Variants in IMPG1 observed in about 807,000 individuals in gnomAD.
IMPG1 encodes the protein interphotoreceptor matrix proteoglycan of 150 kDa.
IMPG1 carries 85 observed loss-of-function variants against 92.0 expected under a neutral mutation model. The ratio of observed to expected loss-of-function variants is 0.92; its 90% confidence interval spans 0.78 to 1.11. The LOEUF is 1.11. IMPG1 is among the 50% of genes least tolerant of loss of function. IMPG1 has a pLI of 0.00. For synonymous variants in IMPG1, 367 were observed against 334.1 expected, an observed-to-expected ratio of 1.10 and a Z score of -1.08; for missense variants, 1,022 against 956.0, an observed-to-expected ratio of 1.07 and a Z score of -0.91.
rs745936741 is a variant in IMPG1 at position 75,947,518 on chromosome 6, G to A, written c.1840C>T (p.Arg614Ter). The A allele has an allele frequency of 1.2e-5, 19 of 1,612,666 alleles. No individual in the cohort carries two copies. The highest frequency in any genetic ancestry group is 3.3e-5 in the Admixed American group (2 of 59,914). The change falls in exon 14 of 17, where the codon CGA becomes TGA. Residue 614 changes from arginine to a stop codon, truncating the protein, a stop_gained. Transcript: ENST00000369950. LOFTEE classifies it high-confidence loss of function. ...TGCTTAAATCCTGTAAGATTGGATCGTAGATATGGAACCAGCTGCAAAATA... is the reference window on the plus strand; with the variant it reads ...TGCTTAAATCCTGTAAGATTGGATCATAGATATGGAACCAGCTGCAAAATA... ...QFTQLLVPYLRSNLTGFKQLE... is the reference protein window; with the variant it reads ...QFTQLLVPYL
intron 12 of IMPG1, among the ~76,000 whole-genome samples, chr6:75,959,305 C>T (rs1480486883): frequency 6.6e-6 from 1 of 152,138 alleles, no homozygotes; most frequent in Non-Finnish European, 1.5e-5. Flanking sequence ...TGTCTGTCGA[C>T]CCCTGCTGGG....
At chr6:76,035,763 A>G (rs1409115153) in intron 2 of IMPG1, among the ~76,000 whole-genome samples, 2 of 152,234 alleles carry the variant, frequency 1.3e-5, no homozygotes, top group South Asian at 2.1e-4. Flanking sequence ...TCCTTTCCCC[A>G]TTCATCCATC....
chr6:76,061,741 C>A (rs1784210053), intron 1 of IMPG1, among the ~76,000 whole-genome samples: 2 of 152,030 alleles, frequency 1.3e-5, no homozygotes, highest in Non-Finnish European at 2.9e-5. Flanking sequence ...ATGTCACAAG[C>A]AATTAAATGA....
chr6:75,927,894 A>G (rs1461464813), intron 15 of IMPG1, among the ~76,000 whole-genome samples: 3 of 152,086 alleles, frequency 2.0e-5, no homozygotes, highest in Non-Finnish European at 4.4e-5. Context: ...TGCCCCAGAG[A>G]CAGGCACAGG....
intron 6 of IMPG1, among the ~76,000 whole-genome samples, chr6:76,021,462 A>G (rs995473334): frequency 2.0e-5 from 3 of 152,146 alleles, no homozygotes; most frequent in Non-Finnish European, 4.4e-5. Context: ...AATATTTTAC[A>G]GAGTTCGACA....
At chr6:76,064,685 G>A (rs777880632) in intron 1 of IMPG1, among the ~76,000 whole-genome samples, 36 of 152,250 alleles carry the variant, frequency 2.4e-4, no homozygotes, top group Non-Finnish European at 5.9e-5. Context: ...GGGAGCTCAG[G>A]CCACTGTGCA....
intron 12 of IMPG1, among the ~76,000 whole-genome samples, chr6:75,981,623 T>TG (rs1025609695): frequency 2.0e-5 from 3 of 152,224 alleles, no homozygotes; most frequent in African/African-American, 7.2e-5. Flanking sequence ...TTAGTGCTTT[T>TG]GCCAAGTTAC....
intron 12 of IMPG1, among the ~76,000 whole-genome samples, chr6:75,966,347 T>C (rs1782307364): frequency 6.6e-6 from 1 of 152,194 alleles, no homozygotes; most frequent in South Asian, 2.1e-4. Flanking sequence ...ATTTAATTGT[T>C]ATTGTGGCAG....
chr6:76,069,293 CTCT>C (rs917857548), intron 1 of IMPG1, among the ~76,000 whole-genome samples: 19 of 152,176 alleles, frequency 1.2e-4, no homozygotes, highest in Admixed American at 8.5e-4. Context: ...CTAGGAAAAA[CTCT>C]TCTGGACATT....
intron 13 of IMPG1, among the ~76,000 whole-genome samples, chr6:75,947,841 T>A (rs1200714342): frequency 6.9e-6 from 1 of 145,664 alleles, no homozygotes; most frequent in East Asian, 2.0e-4. Context: ...AAAGCAGGAA[T>A]GCCAAGTTCA....
At chr6:75,979,511 C>G (rs2149468981) in intron 12 of IMPG1, among the ~76,000 whole-genome samples, 1 of 152,278 alleles carries the variant, frequency 6.6e-6, no homozygotes, top group Middle Eastern at 3.4e-3. Context: ...CTTCTATTGT[C>G]AATAATGGAT....
At chr6:75,939,332 A>G (rs1020441914) in intron 14 of IMPG1, among the ~76,000 whole-genome samples, 4 of 152,056 alleles carry the variant, frequency 2.6e-5, no homozygotes, top group African/African-American at 4.8e-5. Context: ...TATATCTCCT[A>G]ATGCTATCCC....
intron 12 of IMPG1, among the ~76,000 whole-genome samples, chr6:75,967,121 T>A (rs1782320361): frequency 6.6e-6 from 1 of 152,078 alleles, no homozygotes; most frequent in South Asian, 2.1e-4. Flanking sequence ...GAGGTTGTAG[T>A]GAGCCGAGAT....
chr6:76,014,720 T>C (rs1783252878), intron 7 of IMPG1, among the ~76,000 whole-genome samples: 1 of 152,182 alleles, frequency 6.6e-6, no homozygotes, highest in African/African-American at 2.4e-5. Context: ...CAATCGACCC[T>C]GGGACTGGCA....
At position 75,962,753 on chromosome 6, in the gene IMPG1, T is replaced by A. The variant is rs182663783; in HGVS notation, c.1292-11659A>T. ...AAGAAAACTAAGTGAATAATAATAA[T>A]AAATAAGCCTGATGCAGTGGCTCAT... On this transcript the variant is annotated intron_variant, in intron 12 of 16. Coordinates refer to ENST00000369950, the MANE Select transcript of IMPG1 (RefSeq NM_001563.4). Among the ~76,000 whole-genome samples the A allele has an allele frequency of 2.5e-3, 387 of 152,164 alleles. 1 individual carries two copies. Among genetic ancestry groups the A allele is most frequent in the African/African-American group, 8.9e-3 (370 of 41,514 alleles).
chr6:75,999,483 T>C (rs540696460), intron 12 of IMPG1, among the ~76,000 whole-genome samples: 6 of 152,360 alleles, frequency 3.9e-5, no homozygotes, highest in African/African-American at 1.4e-4. Flanking sequence ...ATTTTCATTT[T>C]ACCTGTACAT....
intron 1 of IMPG1, among the ~76,000 whole-genome samples, chr6:76,057,788 T>G (rs1356994899): frequency 6.6e-6 from 1 of 152,118 alleles, no homozygotes; most frequent in Non-Finnish European, 1.5e-5. Context: ...AGGACATTTA[T>G]GTACCTATAT....
rs1016206997 is a variant in IMPG1, at chr6:76,034,225, C to T, written c.497+90G>A. On this transcript the variant is annotated intron_variant, in intron 4 of 16. Transcript: ENST00000369950. The stretch of plus-strand genomic sequence containing the variant: ...CAGCTCTTAGTGGCTGACATAAAAT[C>T]CTACAGGTAGAATAGCTTAGTTTCA... 143 of 1,219,180 alleles carry T rather than the reference C, an allele frequency of 1.2e-4. 1 individual carries two copies. In the South Asian group the frequency reaches 1.4e-3, roughly 12 times the overall value. 75.5% of individuals were successfully genotyped at this position (1,219,180 alleles called of 1,614,324 possible).
intron 12 of IMPG1, among the ~76,000 whole-genome samples, chr6:75,956,688 G>T (rs1411493183): frequency 6.6e-6 from 1 of 152,038 alleles, no homozygotes; most frequent in Non-Finnish European, 1.5e-5. Flanking sequence ...TGATGTTAGG[G>T]TGTCAATTTT....
Sources: allele counts gnomAD v4.1 joint callset (sites outside exome capture counted in the v4.1 genomes callset), GRCh38; gene constraint gnomAD v4.1.1; transcripts MANE v1.5; gene names NCBI Gene and HGNC (gene_info 2026-07-23, HGNC 2026-07-21).